MTFMT: variants seen among roughly 807,000 people sequenced by gnomAD.
MTFMT encodes mitochondrial methionyl-tRNA formyltransferase, also known as methionyl-tRNA formyltransferase, mitochondrial.
Under a neutral mutation model 51.8 loss-of-function variants are expected in MTFMT, and 47 were observed. The observed-to-expected ratio is 0.91, with a 90% CI of 0.72 to 1.16. The LOEUF (loss-of-function observed/expected upper bound fraction) is 1.16, where lower values mean the gene tolerates loss of function less well. MTFMT is among the 50% of genes most tolerant of loss of function. The pLI is 0.00. For missense variants in MTFMT, 512 were observed against 482.3 expected (o/e 1.06, Z -0.58); for synonymous variants, 196 against 176.7 (o/e 1.11, Z -0.87).
intron 6 of MTFMT, among the ~76,000 whole-genome samples, chr15:65,006,842 C>A (rs1184998662): frequency 6.6e-6 from 1 of 152,024 alleles, no homozygotes; most frequent in East Asian, 1.9e-4. Flanking sequence ...TAGGTAACGA[C>A]TGTTAAGTTT....
intron 6 of MTFMT, among the ~76,000 whole-genome samples, chr15:65,006,545 T>G (rs941052626): frequency 2.0e-5 from 3 of 151,908 alleles, no homozygotes; most frequent in African/African-American, 4.8e-5. Context: ...CCCGGCTAAT[T>G]TTTTGTATTT....
chr15:65,006,528 A>C (rs948278411), intron 6 of MTFMT, among the ~76,000 whole-genome samples: 4 of 151,914 alleles, frequency 2.6e-5, no homozygotes, highest in Non-Finnish European at 4.4e-5. Flanking sequence ...AGGCGCCTGC[A>C]ACCATGCCCG....
At chr15:65,017,305 T>A (rs927544957) in intron 5 of MTFMT, among the ~76,000 whole-genome samples, 1 of 152,128 alleles carries the variant, frequency 6.6e-6, no homozygotes, top group African/African-American at 2.4e-5. Context: ...AGTTCTTAAA[T>A]ATATGAAAAG....
At chr15:65,022,766 G>A (rs1028329065) in intron 3 of MTFMT, among the ~76,000 whole-genome samples, 11 of 150,696 alleles carry the variant, frequency 7.3e-5, no homozygotes, top group Admixed American at 1.3e-4. Flanking sequence ...GAATGCAGTG[G>A]TGCGATCTTG....
At position 65,026,968 on chromosome 15, in the gene MTFMT, C is replaced by T. The variant is rs1357161140; in HGVS notation, c.282G>A (p.Leu94=). ...ACTGCACAGCATATTGCTTCACTGG[C>T]AGTCCTTTTGGTGATGGGGAAGGCA... ...VTMPSPSPKG[L]PVKQYAVQSQ... is the part of the protein sequence containing the mutation. The change falls in exon 2 of 9, where the codon CTG becomes CTA. Residue 94 remains leucine (L), a synonymous_variant. Transcript: ENST00000220058. 1 of 1,613,864 alleles carries T rather than the reference C, an allele frequency of 6.2e-7. No individual in the cohort carries two copies. Among genetic ancestry groups the T allele is most frequent in the South Asian group, 1.1e-5 (1 of 91,086 alleles).
chr15:65,016,782 CTTTT>C (rs35437034), intron 5 of MTFMT, among the ~76,000 whole-genome samples: 1 of 141,622 alleles, frequency 7.1e-6, no homozygotes, highest in Non-Finnish European at 1.5e-5. Flanking sequence ...ACTATTCAAA[CTTTT>C]TTTTTTTTTT....
chr15:65,003,313 G>A, intron 8 of MTFMT, 57 bp from the exon 9 acceptor site: 1 of 1,301,670 alleles, frequency 7.7e-7, no homozygotes. Context: ...AAAAAGCCAA[G>A]TAAATATTAG....
chr15:65,020,378 T>C, intron 4 of MTFMT, 106 bp from the exon 5 acceptor site: 2 of 956,260 alleles, frequency 2.1e-6, no homozygotes, highest in Non-Finnish European at 3.1e-6. Flanking sequence ...ACTTTTTTTC[T>C]TTTTCTTTTT....
At chr15:65,004,517 T>C (rs1193026282) in intron 8 of MTFMT, among the ~76,000 whole-genome samples, 8 of 152,238 alleles carry the variant, frequency 5.3e-5, no homozygotes, top group Admixed American at 2.0e-4. Flanking sequence ...GTGTGTCCTG[T>C]AGTAGTTCAG....
intron 6 of MTFMT, among the ~76,000 whole-genome samples, chr15:65,010,399 CCT>C (rs1221451181): frequency 6.6e-6 from 1 of 152,110 alleles, no homozygotes; most frequent in African/African-American, 2.4e-5. Flanking sequence ...TTCCCATTAT[CCT>C]CTCTCCTCCA....
chr15:65,005,011 C>CA, intron 7 of MTFMT, 75 bp from the exon 8 acceptor site: 2 of 1,035,732 alleles, frequency 1.9e-6, no homozygotes, highest in East Asian at 2.4e-5. Context: ...TCTTAAAAAT[C>CA]AAAAAACATC....
chr15:65,029,597 C>G lies in MTFMT; in HGVS notation c.17G>C (p.Arg6Pro), dbSNP rs771777757. ...AGCCAGCGGAGGACCCCAACAGCGC[C>G]GCACCAACACCCTCATCGCCTCGGC... MRVLV[R>P]RCWGPPLAHG... The change falls in exon 1 of 9, where the codon CGG becomes CCG. Residue 6 changes from arginine (R) to proline (P), a missense_variant. Arg to Pro is a moderately radical substitution (Grantham distance 103). Coordinates refer to ENST00000220058, the MANE Select transcript of MTFMT (RefSeq NM_139242.4). The G allele has an allele frequency of 1.2e-4, 179 of 1,451,892 alleles. 1 individual carries two copies. In the Middle Eastern group the frequency reaches 5.4e-3, roughly 44 times the overall value. 89.9% of individuals were successfully genotyped at this position (1,451,892 alleles called of 1,614,324 possible).
At chr15:65,025,591 T>C (rs559895657) in intron 2 of MTFMT, among the ~76,000 whole-genome samples, 3 of 152,210 alleles carry the variant, frequency 2.0e-5, no homozygotes, top group Admixed American at 6.6e-5. Flanking sequence ...GCAGAGCCAA[T>C]AGGATTTACT....
In MTFMT at chr15:65,006,477, C is replaced by A. The variant is rs180982868; in HGVS notation, c.814-286G>T. Among the ~76,000 whole-genome samples, 223 of 151,276 alleles carry A rather than the reference C, an allele frequency of 1.5e-3. 2 individuals are homozygous for A. Among genetic ancestry groups the A allele is most frequent in the Non-Finnish European group, 2.7e-3 (184 of 67,798 alleles). ...CTGCAAGCTCCGCCTCCCGGGTTCA[C>A]GCCATTCTCCTGCTTCAGCCTCCCG... On this transcript the variant is annotated intron_variant, in intron 6 of 8. Coordinates refer to ENST00000220058, the MANE Select transcript of MTFMT (RefSeq NM_139242.4).
Position 65,003,000 on chromosome 15 carries a change from T to C in MTFMT, c.*62A>G, listed in dbSNP as rs186819833. Reference sequence around the variant, plus strand: ...AAAAAAAAAAGTCCAGATAATTCCTTGTAAATAAGGTTTTTAATAAATTAC... The same window carrying C: ...AAAAAAAAAAGTCCAGATAATTCCTCGTAAATAAGGTTTTTAATAAATTAC... On this transcript the variant is annotated 3_prime_UTR_variant, in exon 9 of 9. Coordinates refer to ENST00000220058, the MANE Select transcript of MTFMT (RefSeq NM_139242.4). The C allele has an allele frequency of 5.9e-4, 591 of 1,004,942 alleles. 8 individuals carry two copies. In the East Asian group the frequency reaches 0.016, roughly 27 times the overall value. The allele number at this position is 1,004,942 out of a possible 1,614,324, so 62.3% of individuals were successfully genotyped here.
chr15:65,029,359 C>G (rs2086458685), intron 1 of MTFMT, 46 bp downstream of exon 1: 1 of 1,403,702 alleles, frequency 7.1e-7, no homozygotes, highest in Non-Finnish European at 9.3e-7. Context: ...CGGGCGCGGC[C>G]TGGAGGCCTT....
chr15:65,029,246 G>A (rs1230635060), intron 1 of MTFMT, 159 bp downstream of exon 1: 33 of 984,102 alleles, frequency 3.4e-5, no homozygotes, highest in Non-Finnish European at 3.7e-5. Context: ...GGCGGGAATG[G>A]CGCACCTTCT....
At chr15:65,009,284 A>G (rs2086243292) in intron 6 of MTFMT, among the ~76,000 whole-genome samples, 1 of 152,182 alleles carries the variant, frequency 6.6e-6, no homozygotes, top group Non-Finnish European at 1.5e-5. Flanking sequence ...GTGCCAAGAG[A>G]TTTCAAGCTA....
Position 65,021,526 on chromosome 15 carries a change from C to T in MTFMT, c.633G>A (p.Leu211=). ...TGGGGAATTATACCATGTTGGCACCCAGTCTTGACAACACTGCTTCCAATT... is the reference window on the plus strand; with the variant it reads ...TGGGGAATTATACCATGTTGGCACCTAGTCTTGACAACACTGCTTCCAATT... ...AKELEAVLSR[L]GANMLISVLK... is the part of the protein sequence containing the mutation. The change falls in exon 4 of 9, where the codon CTG becomes CTA. Residue 211 remains leucine, a synonymous_variant. Coordinates refer to ENST00000220058, the MANE Select transcript of MTFMT (RefSeq NM_139242.4). The T allele has an allele frequency of 1.9e-6, 3 of 1,609,360 alleles. No individual in the cohort carries two copies. Among genetic ancestry groups the T allele is most frequent in the Non-Finnish European group, 2.6e-6 (3 of 1,176,230 alleles).
Sources: allele counts gnomAD v4.1 joint callset (sites outside exome capture counted in the v4.1 genomes callset), GRCh38; gene constraint gnomAD v4.1.1; transcripts MANE v1.5; gene names NCBI Gene and HGNC (gene_info 2026-07-23, HGNC 2026-07-21).